The following FIP1L1 variants were observed in gnomAD, a reference collection of about 807,000 sequenced individuals.
FIP1L1 encodes factor interacting with PAPOLA and CPSF1.
A neutral mutation model predicts 84.6 loss-of-function variants in FIP1L1; 21 were observed. The observed-to-expected ratio is 0.25, with a 90% confidence interval of 0.18 to 0.36. The LOEUF is 0.36. Ranked by LOEUF, FIP1L1 falls within the 10% of genes least tolerant of loss-of-function variation. The pLI, the probability that FIP1L1 is intolerant of heterozygous loss-of-function variation, is 1.00. For synonymous variants in FIP1L1, 263 were observed against 242.3 expected, an observed-to-expected ratio of 1.09 and a Z score of -0.80; for missense variants, 526 against 751.1, an observed-to-expected ratio of 0.70 and a Z score of 3.50.
intron 14 of FIP1L1, among the ~76,000 whole-genome samples, chr4:53,443,550 T>G (rs573777385): frequency 6.6e-6 from 1 of 152,298 alleles, no homozygotes; most frequent in East Asian, 1.9e-4. Flanking sequence ...ACCCTGCATA[T>G]GATTTTCAGA....
At chr4:53,404,284 G>T (rs1751964841) in intron 10 of FIP1L1, among the ~76,000 whole-genome samples, 1 of 150,502 alleles carries the variant, frequency 6.6e-6, no homozygotes, top group South Asian at 2.1e-4. Flanking sequence ...TCTTGTGATA[G>T]TTTACTGAGA....
chr4:53,405,392 T>C (rs1226970240), intron 10 of FIP1L1, among the ~76,000 whole-genome samples: 1 of 152,206 alleles, frequency 6.6e-6, no homozygotes, highest in East Asian at 1.9e-4. Flanking sequence ...ACCAGTACCA[T>C]GCTGTTTTGG....
intron 4 of FIP1L1, among the ~76,000 whole-genome samples, chr4:53,382,683 T>C (rs951679321): frequency 3.9e-5 from 6 of 152,236 alleles, no homozygotes; most frequent in African/African-American, 1.4e-4. Flanking sequence ...TAACGTTGCT[T>C]TTTAATGTAT....
intron 11 of FIP1L1, among the ~76,000 whole-genome samples, chr4:53,419,710 C>G (rs140498313): frequency 1.5e-3 from 225 of 152,218 alleles, no homozygotes; most frequent in African/African-American, 5.0e-3. Flanking sequence ...CCAAATCACA[C>G]CTGAGATTAC....
At chr4:53,440,052 C>G (rs1281411500) in intron 13 of FIP1L1, among the ~76,000 whole-genome samples, 16 of 151,908 alleles carry the variant, frequency 1.1e-4, no homozygotes, top group Admixed American at 5.9e-4. Flanking sequence ...TTCTCTCCTA[C>G]AAATCAAAGG....
chr4:53,390,934 A>G, intron 7 of FIP1L1, 75 bp from the exon 8 acceptor site: 1 of 1,176,440 alleles, frequency 8.5e-7, no homozygotes, highest in Non-Finnish European at 1.2e-6. Flanking sequence ...ATATTTTTAT[A>G]GTTTAGTATA....
At chr4:53,388,622 G>T (rs796792609) in intron 5 of FIP1L1, among the ~76,000 whole-genome samples, 1 of 152,138 alleles carries the variant, frequency 6.6e-6, no homozygotes, top group African/African-American at 2.4e-5. Flanking sequence ...GGCGTGAGCC[G>T]CCGTGCCCGG....
chr4:53,402,668 C>T (rs1262445336), intron 10 of FIP1L1, among the ~76,000 whole-genome samples: 8 of 152,184 alleles, frequency 5.3e-5, no homozygotes, highest in African/African-American at 1.9e-4. Flanking sequence ...CACCACTGCA[C>T]TCCAGCCTTG....
intron 16 of FIP1L1, among the ~76,000 whole-genome samples, chr4:53,455,550 C>T (rs1253354205): frequency 6.6e-6 from 1 of 151,998 alleles, no homozygotes; most frequent in African/African-American, 2.4e-5. Flanking sequence ...AACAGTGGAT[C>T]GGTCAAGAAC....
intron 13 of FIP1L1, among the ~76,000 whole-genome samples, chr4:53,437,481 A>G (rs1233474033): frequency 6.6e-6 from 1 of 151,942 alleles, no homozygotes; most frequent in African/African-American, 2.4e-5. Flanking sequence ...TCTGTACTAA[A>G]TTGCTCAGCA....
At chr4:53,458,485 G>A in intron 16 of FIP1L1, 168 bp from the exon 17 acceptor site, 1 of 530,184 alleles carries the variant, frequency 1.9e-6, no homozygotes, top group East Asian at 3.0e-5. Context: ...TTGAGAACAA[G>A]CATTATTTTC....
At chr4:53,458,224 A>C (rs1162053762) in intron 16 of FIP1L1, among the ~76,000 whole-genome samples, 2 of 152,152 alleles carry the variant, frequency 1.3e-5, no homozygotes, top group Non-Finnish European at 2.9e-5. Context: ...TGTTAAACGT[A>C]TGTCCAAGAC....
chr4:53,450,092 CT>C (rs889305786), intron 15 of FIP1L1, among the ~76,000 whole-genome samples: 1 of 151,858 alleles, frequency 6.6e-6, no homozygotes, highest in African/African-American at 2.4e-5. Context: ...TTTGTTATCC[CT>C]TTTTTTGTTG....
At chr4:53,419,793 C>T (rs1761362326) in intron 11 of FIP1L1, among the ~76,000 whole-genome samples, 2 of 152,092 alleles carry the variant, frequency 1.3e-5, no homozygotes, top group African/African-American at 4.8e-5. Flanking sequence ...AAATTCTAAG[C>T]TGTGAAAGCA....
At chr4:53,385,817 T>C (rs1224264528) in intron 5 of FIP1L1, among the ~76,000 whole-genome samples, 1 of 152,158 alleles carries the variant, frequency 6.6e-6, no homozygotes, top group African/African-American at 2.4e-5. Context: ...TTTTTATTCA[T>C]TTTATGCATT....
intron 4 of FIP1L1, among the ~76,000 whole-genome samples, chr4:53,383,018 GT>G (rs1211604812): frequency 0.018 from 2,649 of 149,556 alleles, 82 homozygotes; most frequent in African/African-American, 0.062. Context: ...ATGCTTTGGG[GT>G]TTTTTTTTTT....
intron 15 of FIP1L1, among the ~76,000 whole-genome samples, chr4:53,445,125 T>C (rs376813469): frequency 6.6e-6 from 1 of 152,172 alleles, no homozygotes; most frequent in African/African-American, 2.4e-5. Context: ...GTAGAGACTG[T>C]GTGCTTATGC....
At chr4:53,434,279 T>C (rs2150108459) in intron 13 of FIP1L1, among the ~76,000 whole-genome samples, 1 of 152,264 alleles carries the variant, frequency 6.6e-6, no homozygotes, top group South Asian at 2.1e-4. Flanking sequence ...CCTAGAATAA[T>C]TTTAAAAATT....
intron 10 of FIP1L1, among the ~76,000 whole-genome samples, chr4:53,407,753 CT>C (rs1258876545): frequency 6.6e-6 from 1 of 152,050 alleles, no homozygotes; most frequent in African/African-American, 2.4e-5. Context: ...ATGTAATGGC[CT>C]TCTTTGTCTC....
Sources: allele counts gnomAD v4.1 joint callset (sites outside exome capture counted in the v4.1 genomes callset), GRCh38; gene constraint gnomAD v4.1.1; transcripts MANE v1.5; gene names NCBI Gene and HGNC (gene_info 2026-07-23, HGNC 2026-07-21).